PSAT1: variants seen among roughly 807,000 people sequenced by gnomAD.
The protein encoded by PSAT1 is phosphoserine aminotransferase.
A neutral mutation model predicts 40.3 loss-of-function variants in PSAT1; 41 were observed. The observed-to-expected ratio is 1.02, with a 90% CI of 0.79 to 1.32. PSAT1 has a LOEUF of 1.32. Ranked by LOEUF, PSAT1 falls within the 40% of genes most tolerant of loss-of-function variation. The pLI, the probability that PSAT1 is intolerant of heterozygous loss-of-function variation, is 0.00. For missense variants in PSAT1, 406 were observed against 455.8 expected, an observed-to-expected ratio of 0.89 and a Z score of 0.99; for synonymous variants, 147 against 170.5, an observed-to-expected ratio of 0.86 and a Z score of 1.07.
chr9:78,315,450 C>G (rs976223541), intron 6 of PSAT1, among the ~76,000 whole-genome samples: 5 of 152,220 alleles, frequency 3.3e-5, no homozygotes, highest in African/African-American at 1.2e-4. Flanking sequence ...TCATTCCCTT[C>G]TCTTACTTTC....
At chr9:78,312,768 G>A (rs1249697489) in intron 6 of PSAT1, among the ~76,000 whole-genome samples, 2 of 152,184 alleles carry the variant, frequency 1.3e-5, no homozygotes, top group Admixed American at 1.3e-4. Context: ...CTGTTTGGAA[G>A]GCTTCACTGG....
chr9:78,326,955 A>ATATATTTTTTTTTTTTTT lies in PSAT1; in HGVS notation c.870-1095_870-1094insATATTTTTTTTTTTTTTT. 1.7e-4 allele frequency among the ~76,000 whole-genome samples: 13 copies of ATATATTTTTTTTTTTTTT among 75,932 alleles called. 1 individual carries two copies. Among genetic ancestry groups the ATATATTTTTTTTTTTTTT allele is most frequent in the East Asian group, 1.7e-3 (4 of 2,372 alleles). 49.8% of individuals were successfully genotyped at this position (75,932 alleles called of 152,430 possible). On this transcript the variant is annotated intron_variant, in intron 7 of 8. Transcript: ENST00000376588. The stretch of plus-strand genomic sequence containing the variant: ...CAGCAATATATATATATATATATAT[A>ATATATTTTTTTTTTTTTT]TTTTTTTTTTTTTTTTTTGAGACAG...
chr9:78,324,031 C>G lies in PSAT1; in HGVS notation c.870-4020C>G, dbSNP rs117462989. Among the ~76,000 whole-genome samples, 618 of 152,256 alleles carry G rather than the reference C, an allele frequency of 4.1e-3. 5 individuals carry two copies. Among genetic ancestry groups the G allele is most frequent in the Non-Finnish European group, 6.8e-3 (464 of 68,026 alleles). ...ACCTTCGTGGGATGGGTGTCCCTGGCTGAAGGTGTACCTCTGCCATGTTCC... is the reference window on the plus strand; with the variant it reads ...ACCTTCGTGGGATGGGTGTCCCTGGGTGAAGGTGTACCTCTGCCATGTTCC... On this transcript the variant is annotated intron_variant, in intron 7 of 8. Transcript: ENST00000376588.
intron 1 of PSAT1, 142 bp downstream of exon 1, chr9:78,297,412 G>A: frequency 9.8e-7 from 1 of 1,015,810 alleles, no homozygotes; most frequent in Non-Finnish European, 1.5e-6. Context: ...GTGCACAGCG[G>A]GATCAGCAGC....
chr9:78,317,484 C>T (rs1828362569), intron 6 of PSAT1, among the ~76,000 whole-genome samples, 192 bp from the exon 7 acceptor site: 1 of 152,368 alleles, frequency 6.6e-6, no homozygotes, highest in Non-Finnish European at 1.5e-5. Flanking sequence ...CTCCTGGCTT[C>T]AAGCGATCCT....
At chr9:78,302,127 A>G (rs1828116366) in intron 3 of PSAT1, 104 bp downstream of exon 3, 5 of 833,830 alleles carry the variant, frequency 6.0e-6, no homozygotes, top group Non-Finnish European at 8.1e-6. Flanking sequence ...AGAATATTTC[A>G]TAATTTAAAA....
At chr9:78,323,456 T>C (rs1193539863) in intron 7 of PSAT1, among the ~76,000 whole-genome samples, 3 of 152,040 alleles carry the variant, frequency 2.0e-5, no homozygotes, top group Non-Finnish European at 4.4e-5. Context: ...GGTACATGCC[T>C]GTAGTGCCAG....
rs1828370943 is a variant in PSAT1 at position 78,317,800 on chromosome 9, T to C, written c.865T>C (p.Tyr289His). ...YEIIDNSQGFYVCPVEPQNRS... is the reference protein window; with the variant it reads ...YEIIDNSQGFHVCPVEPQNRS... ...GATTATTGATAATTCTCAAGGATTCTACGTGTAAGTCAATGGATTTTATCT... is the reference window on the plus strand; with the variant it reads ...GATTATTGATAATTCTCAAGGATTCCACGTGTAAGTCAATGGATTTTATCT... The change falls in exon 7 of 9, where the codon TAC becomes CAC. Residue 289 changes from tyrosine to histidine, a missense_variant. By Grantham distance (83) the Tyr-to-His change is moderately conservative. Coordinates refer to ENST00000376588, the MANE Select transcript of PSAT1 (RefSeq NM_058179.4). The C allele has an allele frequency of 6.2e-7, 1 of 1,612,564 alleles. No individual in the cohort carries two copies. The highest frequency in any genetic ancestry group is 8.5e-7 in the Non-Finnish European group (1 of 1,179,784).
At chr9:78,298,436 T>A in intron 1 of PSAT1, 1 of 985,184 alleles carries the variant, frequency 1.0e-6, no homozygotes, top group Non-Finnish European at 1.2e-6. Context: ...GGAAAGGACT[T>A]CTTACTTTTC....
rs1828366634 is a variant in PSAT1 at position 78,317,634 on chromosome 9, C to CTCAT, written c.741-42_741-41insTCAT. ...TTGCTTGAATATAGTTCTACTTTTG[C>CTCAT]AAAGATGAGCTAAACGGATTTTTTA... On this transcript the variant is annotated intron_variant, in intron 6 of 8. Transcript: ENST00000376588. 4 of 1,607,664 alleles carry CTCAT rather than the reference C, an allele frequency of 2.5e-6. No individual in the cohort carries two copies. In the African/African-American group the frequency reaches 4.0e-5, roughly 16 times the overall value.
At chr9:78,327,437 A>G (rs1828517257) in intron 7 of PSAT1, among the ~76,000 whole-genome samples, 2 of 152,194 alleles carry the variant, frequency 1.3e-5, no homozygotes, top group South Asian at 4.1e-4. Flanking sequence ...ATGGGCCACA[A>G]AAATTCTCTA....
intron 4 of PSAT1, among the ~76,000 whole-genome samples, chr9:78,305,985 G>T (rs571042300): frequency 4.7e-4 from 72 of 152,312 alleles, no homozygotes; most frequent in Non-Finnish European, 8.2e-4. Flanking sequence ...GTAGCCTCCA[G>T]CTCCTGGGCT....
At chr9:78,314,613 T>C (rs1232678038) in intron 6 of PSAT1, among the ~76,000 whole-genome samples, 1 of 152,176 alleles carries the variant, frequency 6.6e-6, no homozygotes, top group South Asian at 2.1e-4. Flanking sequence ...TTAGGCTTCA[T>C]AGAGCCAAGT....
In PSAT1 at chr9:78,304,807, A is replaced by C; in HGVS notation, c.264A>C (p.Leu88Phe). The C allele has an allele frequency of 6.2e-7, 1 of 1,614,206 alleles. No homozygotes were observed. The highest frequency in any genetic ancestry group is 8.5e-7 in the Non-Finnish European group (1 of 1,180,040). ...GCGGCCAGTTCAGTGCTGTCCCCTTAAACCTCATTGGCTTGAAAGCAGGAA... is the reference window on the plus strand; with the variant it reads ...GCGGCCAGTTCAGTGCTGTCCCCTTCAACCTCATTGGCTTGAAAGCAGGAA... ...GGCGQFSAVP[L>F]NLIGLKAGRC... Residue 88 changes from leucine (L) to phenylalanine (F), a missense_variant, in exon 4 of 9, where the codon TTA becomes TTC. By Grantham distance (22) the Leu-to-Phe change is conservative. Transcript: ENST00000376588.
intron 7 of PSAT1, among the ~76,000 whole-genome samples, chr9:78,318,542 A>G (rs779601833): frequency 2.8e-4 from 43 of 152,186 alleles, no homozygotes; most frequent in Non-Finnish European, 5.7e-4. Flanking sequence ...TGGTCCCTCC[A>G]GAGAGCCATG....
At chr9:78,301,142 G>A (rs1036535555) in intron 2 of PSAT1, among the ~76,000 whole-genome samples, 6 of 152,134 alleles carry the variant, frequency 3.9e-5, no homozygotes, top group Admixed American at 3.9e-4. Context: ...AGCTTGGGTT[G>A]CATGTCTGAT....
chr9:78,315,629 G>A (rs1828332331), intron 6 of PSAT1, among the ~76,000 whole-genome samples: 1 of 152,172 alleles, frequency 6.6e-6, no homozygotes, highest in African/African-American at 2.4e-5. Context: ...GTAGGCTGGG[G>A]AAGCTTCAGG....
chr9:78,301,037 C>G (rs2118624944), intron 2 of PSAT1, among the ~76,000 whole-genome samples: 1 of 152,218 alleles, frequency 6.6e-6, no homozygotes, highest in South Asian at 2.1e-4. Context: ...TGAGCCCTGG[C>G]CCAAAGGGAA....
At chr9:78,300,466 C>T in intron 1 of PSAT1, 136 bp from the exon 2 acceptor site, 5 of 1,105,388 alleles carry the variant, frequency 4.5e-6, no homozygotes, top group Non-Finnish European at 6.0e-6. Flanking sequence ...AGGAAGGAGA[C>T]TGGCTGTGGG....
Sources: gnomAD v4.1 joint callset for allele counts (sites outside exome capture counted in the v4.1 genomes callset) on GRCh38, gnomAD v4.1.1 for gene constraint, MANE v1.5 for transcripts, NCBI Gene and HGNC (gene_info 2026-07-23, HGNC 2026-07-21) for gene names.